OPCML: variants seen among roughly 807,000 people sequenced by gnomAD.
The protein encoded by OPCML is opioid binding protein/cell adhesion molecule like, also known as opioid-binding protein/cell adhesion molecule.
OPCML carries 13 observed loss-of-function variants against 37.8 expected under a neutral mutation model. That is an observed-to-expected ratio of 0.34 (90% CI 0.22 to 0.55). The LOEUF (loss-of-function observed/expected upper bound fraction) is 0.55. Ranked by LOEUF, OPCML falls within the 20% of genes least tolerant of loss-of-function variation. The pLI is 0.91. For synonymous variants in OPCML, 176 were observed against 168.8 expected, an observed-to-expected ratio of 1.04 and a Z score of -0.33; for missense variants, 341 against 435.6, an observed-to-expected ratio of 0.78 and a Z score of 1.93.
At chr11:132,580,209 T>C (rs1418864696) in intron 3 of OPCML, among the ~76,000 whole-genome samples, 1 of 152,186 alleles carries the variant, frequency 6.6e-6, no homozygotes, top group Non-Finnish European at 1.5e-5. Context: ...TCTGTATGAC[T>C]CCGCAGGGGG....
chr11:133,464,795 T>C (rs999914672), intron 1 of OPCML, among the ~76,000 whole-genome samples: 1 of 152,172 alleles, frequency 6.6e-6, no homozygotes, highest in Non-Finnish European at 1.5e-5. Flanking sequence ...CTAAGATGGT[T>C]GTACAAGAGC....
chr11:133,365,048 T>TCACACACACACA (rs3220326), intron 1 of OPCML, among the ~76,000 whole-genome samples: 17 of 146,472 alleles, frequency 1.2e-4, no homozygotes, highest in African/African-American at 4.1e-4. Context: ...TCTCTCTCTT[T>TCACACACACACA]CACACACACA....
chr11:133,270,662 G>A (rs975397229), intron 1 of OPCML, among the ~76,000 whole-genome samples: 23 of 152,136 alleles, frequency 1.5e-4, no homozygotes, highest in South Asian at 2.1e-4. Context: ...GGTGGTTTTC[G>A]TGGTTTATAT....
intron 2 of OPCML, among the ~76,000 whole-genome samples, chr11:132,749,076 T>C (rs1348213370): frequency 6.6e-6 from 1 of 152,054 alleles, no homozygotes; most frequent in East Asian, 1.9e-4. Flanking sequence ...GCTATGAGGG[T>C]GGAGCCCTCA....
chr11:132,498,076 T>C (rs980903989), intron 4 of OPCML, among the ~76,000 whole-genome samples: 2 of 152,196 alleles, frequency 1.3e-5, no homozygotes, highest in African/African-American at 4.8e-5. Context: ...TCTAAACATA[T>C]TCTATATTTT....
chr11:133,151,154 T>G (rs112652011), intron 1 of OPCML, among the ~76,000 whole-genome samples: 2,341 of 151,974 alleles, frequency 0.015, 45 homozygotes, highest in African/African-American at 0.054. Context: ...ACGCCTGTTA[T>G]CCCAGCTACT....
chr11:133,258,194 A>G (rs1363837680), intron 1 of OPCML, among the ~76,000 whole-genome samples: 1 of 152,170 alleles, frequency 6.6e-6, no homozygotes. Context: ...GGATAGCTTG[A>G]CATTGCCTGC....
chr11:132,967,034 T>C (rs1946230492), intron 1 of OPCML, among the ~76,000 whole-genome samples: 1 of 152,102 alleles, frequency 6.6e-6, no homozygotes, highest in Admixed American at 6.5e-5. Context: ...ATGTTACTAG[T>C]GATGTACTTA....
chr11:133,001,793 C>T lies in OPCML; in HGVS notation c.62-58783G>A, dbSNP rs373856818. 1.9e-4 allele frequency among the ~76,000 whole-genome samples: 29 copies of T among 152,340 alleles called. No homozygotes were observed. The East Asian group carries it at 4.4e-3, about 23-fold the overall frequency. On this transcript the variant is annotated intron_variant, in intron 1 of 7. Coordinates refer to ENST00000524381, the MANE Select transcript of OPCML (RefSeq NM_001012393.5). ...TCAAGTATTGACCCCTTTCTCTCAG[C>T]GGAACTCTAGGTGCACCCATGATAA...
chr11:133,054,151 G>A (rs1051440625), intron 1 of OPCML, among the ~76,000 whole-genome samples: 3 of 152,068 alleles, frequency 2.0e-5, no homozygotes, highest in Non-Finnish European at 2.9e-5. Context: ...TTTCCCACCT[G>A]AGTCCAGGCA....
At chr11:132,944,912 T>C (rs186351520) in intron 1 of OPCML, among the ~76,000 whole-genome samples, 1 of 152,350 alleles carries the variant, frequency 6.6e-6, no homozygotes, top group Non-Finnish European at 1.5e-5. Flanking sequence ...CTCTGCACAA[T>C]TGGCAAAATG....
chr11:133,134,657 G>A (rs553100995), intron 1 of OPCML, among the ~76,000 whole-genome samples: 1 of 152,122 alleles, frequency 6.6e-6, no homozygotes, highest in Non-Finnish European at 1.5e-5. Context: ...GGTCTTGTCC[G>A]CTGTCTTCCT....
At chr11:133,078,489 A>C (rs568037365) in intron 1 of OPCML, among the ~76,000 whole-genome samples, 33 of 152,348 alleles carry the variant, frequency 2.2e-4, no homozygotes, top group African/African-American at 7.5e-4. Context: ...CAAAGAAAGG[A>C]ATATGTTTCA....
intron 1 of OPCML, among the ~76,000 whole-genome samples, chr11:133,193,656 A>G (rs187425625): frequency 6.6e-6 from 1 of 152,328 alleles, no homozygotes; most frequent in East Asian, 1.9e-4. Flanking sequence ...TTATATTTGT[A>G]TACTGCTGAG....
chr11:133,461,297 G>T (rs775660491), intron 1 of OPCML, among the ~76,000 whole-genome samples: 3 of 151,764 alleles, frequency 2.0e-5, no homozygotes, highest in Non-Finnish European at 4.4e-5. Context: ...TTTGGTTGTC[G>T]ATGACACCAT....
intron 1 of OPCML, among the ~76,000 whole-genome samples, chr11:133,318,256 T>A (rs954710494): frequency 1.1e-4 from 16 of 152,322 alleles, no homozygotes; most frequent in Admixed American, 7.2e-4. Context: ...GACCCTCTCC[T>A]TCATCAGTCT....
intron 1 of OPCML, among the ~76,000 whole-genome samples, chr11:133,162,033 T>C (rs1274724820): frequency 2.2e-5 from 3 of 135,756 alleles, no homozygotes; most frequent in Non-Finnish European, 4.6e-5. Context: ...GCTACATAGA[T>C]CTTTTGTATT....
intron 4 of OPCML, among the ~76,000 whole-genome samples, chr11:132,470,796 C>T (rs997784742): frequency 1.3e-4 from 20 of 152,194 alleles, no homozygotes; most frequent in African/African-American, 4.3e-4. Context: ...CATGTTCATG[C>T]TCTTAACCAT....
At chr11:132,453,508 A>G (rs1331305106) in intron 4 of OPCML, among the ~76,000 whole-genome samples, 4 of 152,220 alleles carry the variant, frequency 2.6e-5, no homozygotes, top group African/African-American at 9.6e-5. Context: ...CCGCAGAAAA[A>G]TACAAAGAAC....
Sources: gnomAD v4.1 joint callset for allele counts (sites outside exome capture counted in the v4.1 genomes callset) on GRCh38, gnomAD v4.1.1 for gene constraint, MANE v1.5 for transcripts, NCBI Gene and HGNC (gene_info 2026-07-23, HGNC 2026-07-21) for gene names.